The following METTL24 variants were observed in gnomAD, a reference collection of about 807,000 sequenced individuals.
The protein encoded by METTL24 is probable methyltransferase-like protein 24.
A neutral mutation model predicts 32.7 loss-of-function variants in METTL24; 29 were observed. That is an observed-to-expected ratio of 0.89 (90% CI 0.66 to 1.21). The LOEUF is 1.21. METTL24 is among the 50% of genes most tolerant of loss of function. The pLI, the probability that METTL24 is intolerant of heterozygous loss-of-function variation, is 0.00. For synonymous variants in METTL24, 163 were observed against 179.5 expected (o/e 0.91, Z 0.73); for missense variants, 439 against 468.1 (o/e 0.94, Z 0.57).
intron 4 of METTL24, among the ~76,000 whole-genome samples, chr6:110,249,665 T>C (rs1282240245): frequency 6.6e-6 from 1 of 152,052 alleles, no homozygotes. Flanking sequence ...TATGCCACTT[T>C]TAAGATTCTA....
chr6:110,313,672 G>A (rs1036566708), intron 3 of METTL24, among the ~76,000 whole-genome samples: 1 of 152,176 alleles, frequency 6.6e-6, no homozygotes, highest in Admixed American at 6.5e-5. Context: ...AATGTGACAT[G>A]AAATAAATTC....
intron 1 of METTL24, among the ~76,000 whole-genome samples, chr6:110,340,571 G>A (rs923525490): frequency 1.3e-5 from 2 of 152,172 alleles, no homozygotes; most frequent in African/African-American, 2.4e-5. Context: ...CTTCATGAGC[G>A]ACCTTCATGA....
At chr6:110,307,833 T>TTAAGACAG (rs1222806178) in intron 3 of METTL24, among the ~76,000 whole-genome samples, 1 of 152,236 alleles carries the variant, frequency 6.6e-6, no homozygotes, top group Non-Finnish European at 1.5e-5. Flanking sequence ...TACCTTTGAA[T>TTAAGACAG]TAAGACAGCA....
At chr6:110,336,738 C>CAAAA (rs57378153) in intron 1 of METTL24, among the ~76,000 whole-genome samples, 1 of 131,408 alleles carries the variant, frequency 7.6e-6, no homozygotes. Context: ...GACTCCGCCT[C>CAAAA]AAAAAAAAAA....
chr6:110,287,188 A>T (rs1771237833), intron 4 of METTL24, among the ~76,000 whole-genome samples: 1 of 152,188 alleles, frequency 6.6e-6, no homozygotes, highest in African/African-American at 2.4e-5. Flanking sequence ...CTACACCTCA[A>T]ATCTCACCTT....
chr6:110,278,849 T>C, intron 4 of METTL24, among the ~76,000 whole-genome samples: 1 of 152,088 alleles, frequency 6.6e-6, no homozygotes, highest in East Asian at 1.9e-4. Context: ...CAGTGAGACG[T>C]CATCTCTACA....
chr6:110,262,466 C>T (rs1180228076), intron 4 of METTL24, among the ~76,000 whole-genome samples: 3 of 152,090 alleles, frequency 2.0e-5, no homozygotes, highest in Non-Finnish European at 4.4e-5. Context: ...GAAATTGAGA[C>T]AATAATTAAT....
Position 110,315,346 on chromosome 6 carries a change from A to G in METTL24, c.553T>C (p.Leu185=). ...GCTGTAAAAAAATGTACTCACCCTAAGGAGTAGAGGCGGCACTGCTTGTTG... is the reference window on the plus strand; with the variant it reads ...GCTGTAAAAAAATGTACTCACCCTAGGGAGTAGAGGCGGCACTGCTTGTTG... The part of the protein sequence containing the change: ...IRNKQCRLYS[L]GLGSDDTHFE... The change falls in exon 3 of 5, where the codon TTA becomes CTA. Residue 185 remains leucine (L), a synonymous_variant. Coordinates refer to ENST00000338882, the MANE Select transcript of METTL24 (RefSeq NM_001123364.3). The G allele has an allele frequency of 4.0e-5, 65 of 1,614,190 alleles. No homozygotes were observed. The highest frequency in any genetic ancestry group is 5.4e-5 in the Non-Finnish European group (64 of 1,180,038).
chr6:110,277,565 A>C (rs1189462529), intron 4 of METTL24, among the ~76,000 whole-genome samples: 1 of 152,176 alleles, frequency 6.6e-6, no homozygotes, highest in Non-Finnish European at 1.5e-5. Context: ...ATGATTGTTA[A>C]ATTCACTCTA....
At chr6:110,312,519 A>AAAAAG (rs1771742197) in intron 3 of METTL24, among the ~76,000 whole-genome samples, 1 of 152,246 alleles carries the variant, frequency 6.6e-6, no homozygotes, top group South Asian at 2.1e-4. Flanking sequence ...TTGGCCATAA[A>AAAAAG]AAAAGAATAA....
At chr6:110,253,944 G>A (rs1330997271) in intron 4 of METTL24, 2 of 1,452,096 alleles carry the variant, frequency 1.4e-6, no homozygotes, top group Admixed American at 2.3e-5. Context: ...GAGGGGTGAG[G>A]AGGATGGCAA....
In METTL24 at chr6:110,358,094, G is replaced by A; in HGVS notation, c.179C>T (p.Pro60Leu). The stretch of plus-strand genomic sequence containing the variant: ...GGCGCCGCGCGGCTGGCCCGGCGCG[G>A]GCGGCAGGTGCGGCCCAGGTGGCCG... ...AWRPPGPHLP[P>L]APGQPRGASR... is the part of the protein sequence containing the mutation. Residue 60 changes from proline (P) to leucine (L), a missense_variant, in exon 1 of 5, where the codon CCC becomes CTC. Transcript: ENST00000338882. 1.0e-6 allele frequency: 1 copy of A among 1,002,770 alleles called. No homozygotes were observed. Among genetic ancestry groups the A allele is most frequent in the Non-Finnish European group, 1.2e-6 (1 of 843,008 alleles). The allele number at this position is 1,002,770 out of a possible 1,614,324, so 62.1% of individuals were successfully genotyped here.
intron 4 of METTL24, among the ~76,000 whole-genome samples, chr6:110,257,836 C>T (rs1249880876): frequency 6.6e-6 from 1 of 152,180 alleles, no homozygotes; most frequent in Non-Finnish European, 1.5e-5. Context: ...AGTTTTCTAA[C>T]CAGCTGCTTT....
At chr6:110,282,706 A>T (rs370577019) in intron 4 of METTL24, among the ~76,000 whole-genome samples, 1 of 151,060 alleles carries the variant, frequency 6.6e-6, no homozygotes, top group African/African-American at 2.4e-5. Flanking sequence ...CAGAGTAATT[A>T]TAAGAAACCC....
Position 110,358,028 on chromosome 6 carries a change from G to A in METTL24, c.245C>T (p.Ala82Val), listed in dbSNP as rs1409318250. Residue 82 changes from alanine (A) to valine (V), a missense_variant, in exon 1 of 5, where the codon GCG (alanine) becomes GTG (valine). Physicochemically the swap from Ala to Val is moderately conservative, Grantham distance 64. Coordinates refer to ENST00000338882, the MANE Select transcript of METTL24 (RefSeq NM_001123364.3). ...CCCGCTCCCGCCGCCCCCCGGCGGC[G>A]CCCGGCGACCGCTGCGCACGTAGGT... Reference protein sequence around the residue: ...QVTYVRSGRRAPPGGGGSGTP... With the variant: ...QVTYVRSGRRVPPGGGGSGTP... 3.5e-5 allele frequency: 40 copies of A among 1,136,402 alleles called. No homozygotes were observed. Among genetic ancestry groups the A allele is most frequent in the Non-Finnish European group, 4.3e-5 (40 of 927,714 alleles). The allele number at this position is 1,136,402 out of a possible 1,614,324, so 70.4% of individuals were successfully genotyped here. A position where few individuals can be genotyped will look rare whatever the true frequency, so the allele number is the denominator to read the frequency against.
At chr6:110,332,621 G>A in intron 1 of METTL24, 1 of 331,404 alleles carries the variant, frequency 3.0e-6, no homozygotes, top group East Asian at 1.7e-4. Flanking sequence ...ATATAAGAAT[G>A]TTTCGGCCAG....
rs979499920 is a variant in METTL24 at position 110,259,967 on chromosome 6, G to A, written c.787-13707C>T. On this transcript the variant is annotated intron_variant, in intron 4 of 4. Coordinates refer to ENST00000338882, the MANE Select transcript of METTL24 (RefSeq NM_001123364.3). ...ATCCACACCAAAACCCCATCTGTAC[G>A]TCACCATCATCAAAGACCAAAGGTA... Among the ~76,000 whole-genome samples the A allele has an allele frequency of 5.3e-5, 8 of 152,244 alleles. No individual in the cohort carries two copies. In the East Asian group the frequency reaches 7.7e-4, roughly 15 times the overall value.
chr6:110,314,463 T>C (rs550741573), intron 3 of METTL24, among the ~76,000 whole-genome samples: 1 of 152,274 alleles, frequency 6.6e-6, no homozygotes, highest in African/African-American at 2.4e-5. Context: ...CTTAATTCAT[T>C]TGTACATCTA....
At chr6:110,326,404 C>T (rs1020633794) in intron 1 of METTL24, among the ~76,000 whole-genome samples, 10 of 152,332 alleles carry the variant, frequency 6.6e-5, no homozygotes, top group African/African-American at 2.4e-4. Flanking sequence ...GCTTCCATGT[C>T]ATGTAAAACT....
Sources: gnomAD v4.1 joint callset for allele counts (sites outside exome capture counted in the v4.1 genomes callset) on GRCh38, gnomAD v4.1.1 for gene constraint, MANE v1.5 for transcripts, NCBI Gene and HGNC (gene_info 2026-07-23, HGNC 2026-07-21) for gene names.